SLC25A21: variants seen among roughly 807,000 people sequenced by gnomAD.
SLC25A21 encodes solute carrier family 25 member 21.
Under a neutral mutation model 43.8 loss-of-function variants are expected in SLC25A21, and 47 were observed. The ratio of observed to expected loss-of-function variants is 1.07; its 90% CI spans 0.85 to 1.37. The LOEUF is 1.37. Ranked by LOEUF, SLC25A21 falls within the 40% of genes most tolerant of loss-of-function variation. SLC25A21 has a pLI of 0.00. For missense variants in SLC25A21, 352 were observed against 350.2 expected, an observed-to-expected ratio of 1.00 and a Z score of -0.04; for synonymous variants, 131 against 121.3, an observed-to-expected ratio of 1.08 and a Z score of -0.52.
chr14:36,932,926 C>T (rs8023248), intron 1 of SLC25A21, among the ~76,000 whole-genome samples: 1 of 151,890 alleles, frequency 6.6e-6, no homozygotes, highest in African/African-American at 2.4e-5. Flanking sequence ...GATATTATAA[C>T]GATTAAATAA....
Position 36,679,368 on chromosome 14 carries a change from T to TTATC in SLC25A21, c.*1286_*1289dup, listed in dbSNP as rs1555318132. On this transcript the variant is annotated 3_prime_UTR_variant, in exon 10 of 10. Coordinates refer to ENST00000331299, the MANE Select transcript of SLC25A21 (RefSeq NM_030631.4). The stretch of plus-strand genomic sequence containing the variant: ...TTAATAAAAAGTAATAATTACCATG[T>TTATC]TATCTTTTACTTTTTATTTTCAAAA... The TTATC allele has an allele frequency of 1.0e-6, 1 of 975,252 alleles. No individual in the cohort carries two copies. Among genetic ancestry groups the TTATC allele is most frequent in the Non-Finnish European group, 1.2e-6 (1 of 820,808 alleles). The allele number at this position is 975,252 out of a possible 1,614,324, so 60.4% of individuals were successfully genotyped here.
intron 2 of SLC25A21, among the ~76,000 whole-genome samples, chr14:36,835,526 C>T (rs961613696): frequency 1.3e-5 from 2 of 152,156 alleles, no homozygotes; most frequent in African/African-American, 4.8e-5. Flanking sequence ...GGTCATAAAG[C>T]CTCTAAATGG....
intron 3 of SLC25A21, among the ~76,000 whole-genome samples, chr14:36,751,842 T>C (rs1347473654): frequency 6.6e-6 from 1 of 152,246 alleles, no homozygotes; most frequent in Admixed American, 6.5e-5. Flanking sequence ...CTCTCAATTT[T>C]CAAGCAACAC....
intron 1 of SLC25A21, among the ~76,000 whole-genome samples, chr14:37,089,768 C>T (rs1962550168): frequency 6.6e-6 from 1 of 152,158 alleles, no homozygotes; most frequent in Admixed American, 6.5e-5. Context: ...ACGGAGATAA[C>T]TAATGGAGTA....
At chr14:36,936,809 T>C (rs1323580364) in intron 1 of SLC25A21, among the ~76,000 whole-genome samples, 1 of 152,200 alleles carries the variant, frequency 6.6e-6, no homozygotes, top group Non-Finnish European at 1.5e-5. Context: ...AAATCTGATA[T>C]CCTAGAAGAA....
At chr14:36,951,309 C>T (rs1208603204) in intron 1 of SLC25A21, among the ~76,000 whole-genome samples, 1 of 148,854 alleles carries the variant, frequency 6.7e-6, no homozygotes, top group East Asian at 1.9e-4. Flanking sequence ...AGGATTCAAG[C>T]AACATAATAC....
chr14:36,946,326 T>C (rs956834482), intron 1 of SLC25A21, among the ~76,000 whole-genome samples: 9 of 152,176 alleles, frequency 5.9e-5, no homozygotes, highest in Non-Finnish European at 1.0e-4. Context: ...CTAAATAATG[T>C]CTGTATTTAG....
chr14:36,964,208 T>C (rs1169390392), intron 1 of SLC25A21, among the ~76,000 whole-genome samples: 8 of 152,246 alleles, frequency 5.3e-5, no homozygotes, highest in Non-Finnish European at 1.0e-4. Flanking sequence ...ATTGGCACAC[T>C]GATTGTAAGC....
At chr14:37,079,442 T>A (rs1962344530) in intron 1 of SLC25A21, among the ~76,000 whole-genome samples, 1 of 152,196 alleles carries the variant, frequency 6.6e-6, no homozygotes, top group African/African-American at 2.4e-5. Context: ...TCTCATTTTA[T>A]AAATAACCAA....
At chr14:37,137,070 G>A (rs916700483) in intron 1 of SLC25A21, among the ~76,000 whole-genome samples, 1 of 152,118 alleles carries the variant, frequency 6.6e-6, no homozygotes, top group East Asian at 1.9e-4. Context: ...GCGCAATCTC[G>A]GCTCACTGCA....
At chr14:37,142,272 G>A (rs781485122) in intron 1 of SLC25A21, among the ~76,000 whole-genome samples, 32 of 152,306 alleles carry the variant, frequency 2.1e-4, no homozygotes, top group Middle Eastern at 3.4e-3. Flanking sequence ...ATAATTGACT[G>A]AGACAGAACT....
intron 1 of SLC25A21, among the ~76,000 whole-genome samples, chr14:36,912,665 T>A (rs1488790231): frequency 1.3e-5 from 2 of 152,338 alleles, no homozygotes; most frequent in East Asian, 3.9e-4. Context: ...GTTCAATGTA[T>A]AAAGTTCTTT....
Position 36,716,388 on chromosome 14 carries a change from T to C in SLC25A21, c.439-4906A>G, listed in dbSNP as rs948218268. On this transcript the variant is annotated intron_variant, in intron 6 of 9. Transcript: ENST00000331299. The stretch of plus-strand genomic sequence containing the variant: ...TGTTGTACTGTTTTAGGGATTTTTG[T>C]TAAATAAGTAAATTTTAGCTGCTCT... Among the ~76,000 whole-genome samples, 126 of 152,128 alleles carry C rather than the reference T, an allele frequency of 8.3e-4. 6 individuals carry two copies. The highest frequency in any genetic ancestry group is 5.9e-5 in the Non-Finnish European group (4 of 68,016).
chr14:36,720,097 G>C (rs914721071), intron 6 of SLC25A21, among the ~76,000 whole-genome samples: 12 of 152,262 alleles, frequency 7.9e-5, no homozygotes, highest in African/African-American at 2.9e-4. Context: ...TGGCCAAAGG[G>C]ACATCCACCT....
At chr14:36,734,090 T>C (rs1884937377) in intron 4 of SLC25A21, among the ~76,000 whole-genome samples, 2 of 152,174 alleles carry the variant, frequency 1.3e-5, no homozygotes, top group Admixed American at 1.3e-4. Flanking sequence ...ATTGGTTTAC[T>C]CTGTTCATGA....
chr14:36,699,308 T>C (rs1472065514), intron 7 of SLC25A21, among the ~76,000 whole-genome samples: 1 of 152,132 alleles, frequency 6.6e-6, no homozygotes, highest in African/African-American at 2.4e-5. Context: ...TGCCTGGTCC[T>C]TCCTCTGGAA....
chr14:36,896,570 T>C (rs575675408), intron 1 of SLC25A21, among the ~76,000 whole-genome samples: 4 of 152,190 alleles, frequency 2.6e-5, no homozygotes, highest in Admixed American at 1.3e-4. Context: ...GTGAGTTTCA[T>C]CCATGTCATT....
chr14:36,882,216 C>G (rs1052119527), intron 1 of SLC25A21, among the ~76,000 whole-genome samples: 22 of 152,180 alleles, frequency 1.4e-4, no homozygotes, highest in African/African-American at 5.1e-4. Flanking sequence ...AACCCCATCT[C>G]TACAAAAAAT....
chr14:36,977,187 G>A (rs1325936627), intron 1 of SLC25A21, among the ~76,000 whole-genome samples: 1 of 151,918 alleles, frequency 6.6e-6, no homozygotes, highest in Non-Finnish European at 1.5e-5. Context: ...TTCTGATCTG[G>A]GGATCTATGG....
Sources: gnomAD v4.1 joint callset for allele counts (sites outside exome capture counted in the v4.1 genomes callset) on GRCh38, gnomAD v4.1.1 for gene constraint, MANE v1.5 for transcripts, NCBI Gene and HGNC (gene_info 2026-07-23, HGNC 2026-07-21) for gene names.